Variants in OTULIN observed in about 807,000 individuals in gnomAD.
The protein encoded by OTULIN is ubiquitin thioesterase otulin.
Under a neutral mutation model 39.6 loss-of-function variants are expected in OTULIN, and 15 were observed. The ratio of observed to expected loss-of-function variants is 0.38; its 90% confidence interval spans 0.25 to 0.58. The LOEUF (loss-of-function observed/expected upper bound fraction) is 0.58, where lower values mean the gene tolerates loss of function less well. Ranked by LOEUF, OTULIN falls within the 20% of genes least tolerant of loss-of-function variation. The pLI is 0.66. For missense variants in OTULIN, 319 were observed against 445.9 expected (o/e 0.72, Z 2.56); for synonymous variants, 156 against 170.3 (o/e 0.92, Z 0.65).
chr5:14,664,966 C>T lies in OTULIN; in HGVS notation c.141C>T (p.Cys47=), dbSNP rs952145001. 11 of 1,089,558 alleles carry T rather than the reference C, an allele frequency of 1.0e-5. No homozygotes were observed. Among genetic ancestry groups the T allele is most frequent in the African/African-American group, 6.7e-5 (4 of 59,916 alleles). The allele number at this position is 1,089,558 out of a possible 1,614,324, so 67.5% of individuals were successfully genotyped here. Residue 47 remains cysteine (C), a synonymous_variant, in exon 1 of 7, where the codon TGC becomes TGT. Transcript: ENST00000284274. Reference sequence around the variant, plus strand: ...GGCAGCCGCGGCCCGAGATGCAGTGCCCGGCCGAGCAGTGAGTCCGCGGGG... The same window carrying T: ...GGCAGCCGCGGCCCGAGATGCAGTGTCCGGCCGAGCAGTGAGTCCGCGGGG... ...ASGQPRPEMQ[C]PAEHEEDMYR...
At chr5:14,676,940 G>C (rs1387812616) in intron 2 of OTULIN, among the ~76,000 whole-genome samples, 1 of 152,144 alleles carries the variant, frequency 6.6e-6, no homozygotes, top group Non-Finnish European at 1.5e-5. Context: ...ATTGGTCTTT[G>C]TGGTCCCTGT....
chr5:14,673,703 G>A lies in OTULIN; in HGVS notation c.214G>A (p.Glu72Lys), dbSNP rs1736032436. The A allele has an allele frequency of 3.1e-6, 5 of 1,613,532 alleles. No individual in the cohort carries two copies. The highest frequency in any genetic ancestry group is 4.2e-6 in the Non-Finnish European group (5 of 1,179,770). Reference sequence around the variant, plus strand: ...AAAGGAGAAAGAATTGCTTATACATGAAAGAGGGGCATCAGGTATGTTTGG... The same window carrying A: ...AAAGGAGAAAGAATTGCTTATACATAAAAGAGGGGCATCAGGTATGTTTGG... ...IEKEKELLIHERGASEPRLSV... is the reference protein window; with the variant it reads ...IEKEKELLIHKRGASEPRLSV... The change falls in exon 2 of 7, where the codon GAA (glutamate) becomes AAA (lysine). Residue 72 changes from glutamate (E) to lysine (K), a missense_variant. By Grantham distance (56) the Glu-to-Lys change is moderately conservative. Around this residue, in one of 4 missense-constraint regions of OTULIN, gnomAD observed 132 missense variants for 143.7 expected, o/e 0.92. Transcript: ENST00000284274.
chr5:14,669,321 C>A (rs138099572), intron 1 of OTULIN, among the ~76,000 whole-genome samples: 10 of 152,056 alleles, frequency 6.6e-5, no homozygotes, highest in African/African-American at 2.4e-4. Flanking sequence ...GCCGAGACTG[C>A]GCCGTTGCAC....
At chr5:14,701,268 G>T (rs1196811570), downstream of OTULIN, among the ~76,000 whole-genome samples, 7 of 152,196 alleles carry the variant, frequency 4.6e-5, no homozygotes, top group Admixed American at 2.0e-4. Context: ...CAGCTCGTAG[G>T]AAGCCAGTGA....
At chr5:14,670,771 AT>A (rs56834326) in intron 1 of OTULIN, among the ~76,000 whole-genome samples, 1,540 of 142,440 alleles carry the variant, frequency 0.011, 15 homozygotes, top group African/African-American at 0.029. Flanking sequence ...TGTCCAATTA[AT>A]TTTTTTTTTT....
At chr5:14,672,706 C>T (rs528299048) in intron 1 of OTULIN, among the ~76,000 whole-genome samples, 2 of 152,266 alleles carry the variant, frequency 1.3e-5, no homozygotes, top group African/African-American at 4.8e-5. Context: ...GTTCCTGAGC[C>T]TTTCTGGGGT....
intron 2 of OTULIN, among the ~76,000 whole-genome samples, chr5:14,676,278 TC>T (rs1254751265): frequency 1.3e-5 from 2 of 152,246 alleles, no homozygotes; most frequent in Non-Finnish European, 2.9e-5. Flanking sequence ...ATTAGAAATG[TC>T]CTTTTTTGAA....
intron 5 of OTULIN, among the ~76,000 whole-genome samples, chr5:14,689,541 A>G (rs577399057): frequency 7.9e-5 from 12 of 152,274 alleles, no homozygotes; most frequent in Admixed American, 2.6e-4. Flanking sequence ...TGAAGTTCAT[A>G]TATATTTTTG....
the OTULIN span, among the ~76,000 whole-genome samples, chr5:14,712,217 C>T: frequency 6.6e-6 from 1 of 152,234 alleles, no homozygotes. Context: ...ATGCACGTCA[C>T]GCACCGTGAG....
intron 3 of OTULIN, 71 bp downstream of exon 3, chr5:14,678,846 G>A: frequency 1.0e-6 from 1 of 999,584 alleles, no homozygotes; most frequent in Non-Finnish European, 1.5e-6. Flanking sequence ...TATGTCATTT[G>A]ATATTTTTAG....
intron 5 of OTULIN, among the ~76,000 whole-genome samples, chr5:14,688,369 A>G (rs1736439646): frequency 2.0e-5 from 3 of 152,062 alleles, no homozygotes. Flanking sequence ...GGGGTCAAAC[A>G]TGGACTTTTC....
downstream of OTULIN, among the ~76,000 whole-genome samples, chr5:14,703,959 A>G (rs776447108): frequency 1.1e-4 from 17 of 152,146 alleles, no homozygotes; most frequent in Non-Finnish European, 1.9e-4. Context: ...GTAATGAAAC[A>G]CTTTCTACAA....
chr5:14,665,264 A>C (rs763287240), intron 1 of OTULIN, among the ~76,000 whole-genome samples: 8 of 152,188 alleles, frequency 5.3e-5, no homozygotes, highest in Non-Finnish European at 8.8e-5. Flanking sequence ...TTGGGAAGCA[A>C]ACCCGAGAAG....
At chr5:14,671,883 ATC>A (rs1186669975) in intron 1 of OTULIN, among the ~76,000 whole-genome samples, 4 of 152,202 alleles carry the variant, frequency 2.6e-5, no homozygotes, top group Admixed American at 6.5e-5. Context: ...TTTTCCATGT[ATC>A]TGTTTCTTAA....
intron 2 of OTULIN, among the ~76,000 whole-genome samples, chr5:14,676,608 G>T (rs1736111440): frequency 6.6e-6 from 1 of 152,192 alleles, no homozygotes; most frequent in African/African-American, 2.4e-5. Flanking sequence ...ATGGGGTGCT[G>T]GGCTTGCCCC....
At chr5:14,711,469 C>T in the OTULIN span, among the ~76,000 whole-genome samples, 1 of 152,180 alleles carries the variant, frequency 6.6e-6, no homozygotes, top group Non-Finnish European at 1.5e-5. Context: ...CATCTTAGCT[C>T]AGTGTGTTCC....
chr5:14,716,249 C>T, the OTULIN span, among the ~76,000 whole-genome samples: 7 of 152,266 alleles, frequency 4.6e-5, no homozygotes, highest in South Asian at 1.5e-3. Context: ...CGCCTGTAAT[C>T]CCAGCACTTT....
the OTULIN span, chr5:14,709,693 T>C: frequency 6.6e-6 from 1 of 152,596 alleles, no homozygotes; most frequent in East Asian, 1.9e-4. Context: ...GTTCTGTCAT[T>C]TACTGAGCCT....
chr5:14,683,829 A>C (rs1736318394), intron 4 of OTULIN, among the ~76,000 whole-genome samples: 1 of 152,218 alleles, frequency 6.6e-6, no homozygotes, highest in Non-Finnish European at 1.5e-5. Context: ...TAATTAAATA[A>C]AGTATAAAAT....
Sources: gnomAD v4.1 joint callset for allele counts (sites outside exome capture counted in the v4.1 genomes callset) on GRCh38, gnomAD v4.1.1 for gene constraint, gnomAD v4.1.1 regional missense constraint, MANE v1.5 for transcripts, NCBI Gene and HGNC (gene_info 2026-07-23, HGNC 2026-07-21) for gene names.